PACRG: variants seen among roughly 807,000 people sequenced by gnomAD.
The protein encoded by PACRG is parkin coregulated gene protein.
A neutral mutation model predicts 29.7 loss-of-function variants in PACRG; 29 were observed. The ratio of observed to expected loss-of-function variants is 0.98; its 90% CI spans 0.73 to 1.33. The LOEUF is 1.33. Ranked by LOEUF, PACRG falls within the 40% of genes most tolerant of loss-of-function variation. The pLI is 0.00. For missense variants in PACRG, 279 were observed against 316.2 expected (o/e 0.88, Z 0.89); for synonymous variants, 116 against 118.7 (o/e 0.98, Z 0.15).
intron 2 of PACRG, among the ~76,000 whole-genome samples, chr6:162,995,019 C>G (rs1355020618): frequency 6.6e-6 from 1 of 150,890 alleles, no homozygotes; most frequent in African/African-American, 2.5e-5. Flanking sequence ...GTCAGTGTGC[C>G]CCTGCTGGGG....
At chr6:162,811,601 G>GA (rs1210936458) in intron 1 of PACRG, among the ~76,000 whole-genome samples, 1 of 151,986 alleles carries the variant, frequency 6.6e-6, no homozygotes, top group Non-Finnish European at 1.5e-5. Context: ...AAAACTATCA[G>GA]AAAAATAAGA....
intron 2 of PACRG, among the ~76,000 whole-genome samples, chr6:162,895,102 C>A (rs577421207): frequency 4.8e-5 from 7 of 145,418 alleles, no homozygotes; most frequent in South Asian, 4.5e-4. Context: ...TCTCTACCCC[C>A]CCGCCCCCAA....
At chr6:162,895,099 C>T (rs190870594) in intron 2 of PACRG, among the ~76,000 whole-genome samples, 2 of 144,432 alleles carry the variant, frequency 1.4e-5, no homozygotes, top group Admixed American at 1.4e-4. Flanking sequence ...CCGTCTCTAC[C>T]CCCCCGCCCC....
intron 2 of PACRG, among the ~76,000 whole-genome samples, chr6:163,026,734 G>A (rs1406414140): frequency 2.0e-5 from 3 of 152,202 alleles, no homozygotes; most frequent in African/African-American, 7.2e-5. Flanking sequence ...CTAGTTTGTG[G>A]CACGTGGGAG....
intron 2 of PACRG, among the ~76,000 whole-genome samples, chr6:163,053,062 A>T (rs969741016): frequency 1.3e-5 from 2 of 152,138 alleles, no homozygotes; most frequent in Non-Finnish European, 2.9e-5. Context: ...ATTTTCTTTT[A>T]ATTCTGGATT....
chr6:162,970,201 T>G (rs988251142), intron 2 of PACRG, among the ~76,000 whole-genome samples: 4 of 152,272 alleles, frequency 2.6e-5, no homozygotes, highest in Admixed American at 2.0e-4. Flanking sequence ...TCACCAAAAT[T>G]CCAGCTCTAA....
At chr6:163,291,802 G>C (rs1424770720) in intron 4 of PACRG, among the ~76,000 whole-genome samples, 2 of 152,172 alleles carry the variant, frequency 1.3e-5, no homozygotes, top group South Asian at 2.1e-4. Flanking sequence ...ACTCCAGCAG[G>C]AAGAAATGAC....
chr6:162,966,727 C>T (rs919532258), intron 2 of PACRG, among the ~76,000 whole-genome samples: 39 of 152,018 alleles, frequency 2.6e-4, no homozygotes, highest in African/African-American at 7.2e-4. Context: ...CCACCCACCT[C>T]CCCCTCCCAA....
At chr6:162,881,319 C>T (rs1056620463) in intron 2 of PACRG, among the ~76,000 whole-genome samples, 2 of 152,128 alleles carry the variant, frequency 1.3e-5, no homozygotes, top group Admixed American at 1.3e-4. Context: ...TAAATGAGGC[C>T]TAGCTTTCAT....
At position 162,728,003 on chromosome 6, in the gene PACRG, A is replaced by G. The variant is rs1779402692; in HGVS notation, c.-233A>G. On this transcript the variant is annotated 5_prime_UTR_variant, in exon 1 of 5. Transcript: ENST00000366888. The stretch of plus-strand genomic sequence containing the variant: ...AGCAACCGGGAGGCTTACCTTTGGA[A>G]GCTTGTTGCAGCTCTAGCCAAGGTC... 4.8e-6 allele frequency: 3 copies of G among 630,994 alleles called. No individual in the cohort carries two copies. The highest frequency in any genetic ancestry group is 8.4e-6 in the Non-Finnish European group (3 of 358,918). The allele number at this position is 630,994 out of a possible 1,614,324, so 39.1% of individuals were successfully genotyped here. A position where few individuals can be genotyped will look rare whatever the true frequency, so the allele number is the denominator to read the frequency against.
chr6:163,300,795 T>C (rs13211692), intron 4 of PACRG, among the ~76,000 whole-genome samples: 32,232 of 147,484 alleles, frequency 0.22, 4,759 homozygotes, highest in African/African-American at 0.39. Context: ...GAAAATAAAA[T>C]CTGCTTCCTC....
intron 2 of PACRG, among the ~76,000 whole-genome samples, chr6:162,930,409 T>C (rs1562745564): frequency 6.6e-6 from 1 of 151,966 alleles, no homozygotes. Flanking sequence ...TTTTGACATA[T>C]ATAATTATGA....
intron 1 of PACRG, among the ~76,000 whole-genome samples, chr6:162,779,608 T>A (rs1359887907): frequency 6.6e-6 from 1 of 152,202 alleles, no homozygotes; most frequent in Non-Finnish European, 1.5e-5. Context: ...TCTAACAATG[T>A]TATAACAGAT....
At chr6:163,284,028 G>A (rs1039721995) in intron 4 of PACRG, among the ~76,000 whole-genome samples, 10 of 151,792 alleles carry the variant, frequency 6.6e-5, no homozygotes, top group East Asian at 1.9e-4. Context: ...CAGGAGAATC[G>A]CTCAAACCCA....
At chr6:163,252,228 T>C (rs1782934981) in intron 4 of PACRG, among the ~76,000 whole-genome samples, 1 of 152,254 alleles carries the variant, frequency 6.6e-6, no homozygotes, top group Non-Finnish European at 1.5e-5. Context: ...CAGCCCCTGC[T>C]GCTGTGAGCA....
Position 163,089,289 on chromosome 6 carries a change from T to G in PACRG, c.494T>G (p.Ile165Ser). ...NALNLRNRQV[I>S]CVTLKVLQHL... Reference sequence around the variant, plus strand: ...TTGAACCTCCGAAACCGACAGGTCATCTGTGTCACTCTCAAGGTCCTCCAG... The same window carrying G: ...TTGAACCTCCGAAACCGACAGGTCAGCTGTGTCACTCTCAAGGTCCTCCAG... Residue 165 changes from isoleucine to serine, a missense_variant, in exon 4 of 5, where the codon ATC becomes AGC. Transcript: ENST00000366888. 6.2e-7 allele frequency: 1 copy of G among 1,614,122 alleles called. No homozygotes were observed. Among genetic ancestry groups the G allele is most frequent in the South Asian group, 1.1e-5 (1 of 91,070 alleles).
intron 4 of PACRG, among the ~76,000 whole-genome samples, chr6:163,238,893 C>G (rs1782354351): frequency 6.6e-6 from 1 of 152,196 alleles, no homozygotes; most frequent in Admixed American, 6.5e-5. Flanking sequence ...GTTAATCCAT[C>G]TCATGCTTCA....
At chr6:163,240,817 C>T (rs1782474599) in intron 4 of PACRG, among the ~76,000 whole-genome samples, 1 of 152,194 alleles carries the variant, frequency 6.6e-6, no homozygotes, top group Non-Finnish European at 1.5e-5. Context: ...CATGTTTGCC[C>T]GGTGACCTCG....
intron 4 of PACRG, among the ~76,000 whole-genome samples, chr6:163,095,889 C>T (rs1814535895): frequency 6.6e-6 from 1 of 152,122 alleles, no homozygotes; most frequent in African/African-American, 2.4e-5. Flanking sequence ...CTATTCAATC[C>T]AGTCCAGATG....
Sources: allele counts gnomAD v4.1 joint callset (sites outside exome capture counted in the v4.1 genomes callset), GRCh38; gene constraint gnomAD v4.1.1; transcripts MANE v1.5; gene names NCBI Gene and HGNC (gene_info 2026-07-23, HGNC 2026-07-21).